Variants in CTSA observed in about 807,000 individuals in gnomAD.
CTSA encodes the protein cathepsin A.
Under a neutral mutation model 66.7 loss-of-function variants are expected in CTSA, and 42 were observed. That is an observed-to-expected ratio of 0.63 (90% CI 0.49 to 0.81). The LOEUF (loss-of-function observed/expected upper bound fraction) is 0.81. Ranked by LOEUF, CTSA falls within the 40% of genes least tolerant of loss-of-function variation. CTSA has a pLI of 0.00. For synonymous variants in CTSA, 225 were observed against 248.6 expected (o/e 0.91, Z 0.89); for missense variants, 525 against 610.9 (o/e 0.86, Z 1.48).
In CTSA at chr20:45,892,722, C is replaced by T. The variant is rs1197677218; in HGVS notation, c.445-3C>T. On this transcript the variant is annotated splice_region_variant and splice_polypyrimidine_tract_variant and intron_variant, in intron 5 of 14. Transcript: ENST00000646241. ...TCCCTCTGTCTTGCTCTGCCATCCC[C>T]AGGTCGCCCAGAGCAATTTTGAGGC... is the stretch of plus-strand genomic sequence containing the variant. The T allele has an allele frequency of 1.9e-6, 3 of 1,614,112 alleles. No individual in the cohort carries two copies. Among genetic ancestry groups the T allele is most frequent in the Non-Finnish European group, 2.5e-6 (3 of 1,180,054 alleles).
chr20:45,893,946 C>T (rs1157924918), intron 7 of CTSA, 42 bp from the exon 8 acceptor site: 1 of 1,303,524 alleles, frequency 7.7e-7, no homozygotes, highest in Non-Finnish European at 1.1e-6. Context: ...CCTTCCTCTT[C>T]CCACCAGCAG....
At chr20:45,897,859 G>A in intron 13 of CTSA, 53 bp downstream of exon 13, 2 of 1,517,574 alleles carry the variant, frequency 1.3e-6, no homozygotes, top group Non-Finnish European at 1.8e-6. Context: ...AGGATTGGGA[G>A]CGGGTATGCC....
intron 3 of CTSA, 101 bp downstream of exon 3, chr20:45,892,128 G>C: frequency 6.9e-7 from 1 of 1,446,828 alleles, no homozygotes. Context: ...TTCCTTCTAA[G>C]CCTCGGGATT....
chr20:45,894,919 C>A lies in CTSA; in HGVS notation c.948+18C>A. The stretch of plus-strand genomic sequence containing the variant: ...GGCATCAGGTGTGCGAGGGCGTGGG[C>A]TTCCTCCTGGTGAGGTGGGGGCAGG... On this transcript the variant is annotated intron_variant, in intron 10 of 14. Coordinates refer to ENST00000646241, the MANE Select transcript of CTSA (RefSeq NM_000308.4). The A allele has an allele frequency of 6.2e-7, 1 of 1,614,130 alleles. No homozygotes were observed. The highest frequency in any genetic ancestry group is 1.3e-5 in the African/African-American group (1 of 75,042).
At chr20:45,892,610 GC>G in intron 5 of CTSA, 114 bp from the exon 6 acceptor site, 1 of 1,504,612 alleles carries the variant, frequency 6.6e-7, no homozygotes, top group African/African-American at 1.4e-5. Flanking sequence ...TGGTATGGTG[GC>G]CAGTCACTTC....
chr20:45,898,531 G>A lies in CTSA; in HGVS notation c.*81G>A. On this transcript the variant is annotated 3_prime_UTR_variant, in exon 15 of 15. Transcript: ENST00000646241. The surrounding 1 kb of genome is among the most constrained non-coding windows in gnomAD (Gnocchi z 4.6). ...AGGAGAGTCCTCTTCTAAGCAAAGT[G>A]CCCCTGCAGGCCGGGTTCTGCCGCC... is the stretch of plus-strand genomic sequence containing the variant. 2.2e-6 allele frequency: 3 copies of A among 1,366,274 alleles called. No individual in the cohort carries two copies. In the South Asian group the frequency reaches 3.6e-5, roughly 16 times the overall value. The allele number at this position is 1,366,274 out of a possible 1,614,324, so 84.6% of individuals were successfully genotyped here.
chr20:45,895,699 G>A (rs2083097485), intron 11 of CTSA, among the ~76,000 whole-genome samples: 1 of 152,142 alleles, frequency 6.6e-6, no homozygotes, highest in African/African-American at 2.4e-5. Context: ...TCCCACCTTA[G>A]TCTACTGAGT....
intron 10 of CTSA, 41 bp downstream of exon 10, chr20:45,894,942 A>G: frequency 6.2e-7 from 1 of 1,611,262 alleles, no homozygotes; most frequent in East Asian, 2.2e-5. Context: ...AGGTGGGGGC[A>G]GGGGGAGGGG....
intron 3 of CTSA, 44 bp downstream of exon 3, chr20:45,892,071 G>T (rs1189624905): frequency 1.5e-5 from 24 of 1,566,018 alleles, no homozygotes; most frequent in Admixed American, 3.3e-5. Context: ...AAAGTAAAAG[G>T]CTGGGGAAAG....
At chr20:45,894,793 C>G in intron 9 of CTSA, 30 bp from the exon 10 acceptor site, 1 of 1,578,838 alleles carries the variant, frequency 6.3e-7, no homozygotes, top group Non-Finnish European at 8.6e-7. Flanking sequence ...TCTGGAGGCT[C>G]CACACCCATT....
intron 11 of CTSA, chr20:45,896,248 C>CCA (rs977561608): frequency 1.3e-5 from 2 of 150,976 alleles, no homozygotes; most frequent in African/African-American, 2.5e-5. Flanking sequence ...GTGGCCACCC[C>CCA]CCCCCACAAC....
chr20:45,894,162 C>A, intron 8 of CTSA, 90 bp downstream of exon 8: 3 of 936,126 alleles, frequency 3.2e-6, no homozygotes, highest in South Asian at 1.3e-5. Flanking sequence ...CCTTGTTCTC[C>A]GTCCCTCATT....
Position 45,891,777 on chromosome 20 carries a change from C to G in CTSA, c.194+15C>G, listed in dbSNP as rs764282392. ...CTCCACTACTGGTCTGCCGCCCTGC[C>G]TTCTGGGCGGGATTGGGAGAAGAGA... On this transcript the variant is annotated intron_variant, in intron 2 of 14. Coordinates refer to ENST00000646241, the MANE Select transcript of CTSA (RefSeq NM_000308.4). This position sits in a 1 kb window ranked among gnomAD's most constrained non-coding sequence, Gnocchi z 4.6. The G allele has an allele frequency of 1.2e-6, 2 of 1,613,742 alleles. No homozygotes were observed. The highest frequency in any genetic ancestry group is 1.7e-6 in the Non-Finnish European group (2 of 1,179,856).
chr20:45,895,074 C>T lies in CTSA; in HGVS notation c.1029C>T (p.Asn343=). 1 of 1,614,164 alleles carries T rather than the reference C, an allele frequency of 6.2e-7. No homozygotes were observed. The highest frequency in any genetic ancestry group is 8.5e-7 in the Non-Finnish European group (1 of 1,180,028). The part of the protein sequence containing the change: ...NTTAASTYLN[N]PYVRKALNIP... ...CAGCTGCTTCCACCTACCTCAACAA[C>T]CCGTACGTGCGGAAGGCCCTCAACA... The change falls in exon 11 of 15, where the codon AAC becomes AAT. Residue 343 remains asparagine (N), a synonymous_variant. Transcript: ENST00000646241.
intron 7 of CTSA, 139 bp from the exon 8 acceptor site, chr20:45,893,849 C>T (rs1987097796): frequency 8.2e-6 from 6 of 732,166 alleles, no homozygotes; most frequent in South Asian, 7.0e-5. Context: ...GCTTAGATGA[C>T]ATACAGACCA....
Position 45,892,042 on chromosome 20 carries a change from G to C in CTSA, c.306+15G>C. 1 of 1,604,556 alleles carries C rather than the reference G, an allele frequency of 6.2e-7. No individual in the cohort carries two copies. The highest frequency in any genetic ancestry group is 8.5e-7 in the Non-Finnish European group (1 of 1,171,410). On this transcript the variant is annotated intron_variant, in intron 3 of 14. Transcript: ENST00000646241. ...GCCCCTTCCTGGTGAGTGGACAGCA[G>C]GGGGAAAGCACAGTTCCCAAAGTAA...
chr20:45,898,769 C>T lies in CTSA; in HGVS notation c.*319C>T, dbSNP rs144703667. On this transcript the variant is annotated 3_prime_UTR_variant, in exon 15 of 15. Coordinates refer to ENST00000646241, the MANE Select transcript of CTSA (RefSeq NM_000308.4). This position sits in a 1 kb window ranked among gnomAD's most constrained non-coding sequence, Gnocchi z 4.6. ...GGACAGCCCACAGGGAGGTGGTGGA[C>T]GGACTGTAATTGATAGATTGATTAT... 5.2e-4 allele frequency: 410 copies of T among 795,282 alleles called. No individual in the cohort carries two copies. The highest frequency in any genetic ancestry group is 7.5e-4 in the Non-Finnish European group (378 of 505,990). 49.3% of individuals were successfully genotyped at this position (795,282 alleles called of 1,614,324 possible). A position where few individuals can be genotyped will look rare whatever the true frequency, so the allele number is the denominator to read the frequency against.
At chr20:45,892,234 G>C (rs768453809) in intron 3 of CTSA, 39 bp from the exon 4 acceptor site, 2 of 1,609,626 alleles carry the variant, frequency 1.2e-6, no homozygotes, top group South Asian at 2.2e-5. Flanking sequence ...CCACCCAGCT[G>C]GCCCTTGGGA....
rs755950061 is a variant in CTSA, at chr20:45,892,454, T to C, written c.414T>C (p.Asp138=). ...SPAGVGFSYS[D]DKFYATNDTE... The stretch of plus-strand genomic sequence containing the variant: ...CTGGGGTGGGCTTCTCCTACTCCGA[T>C]GACAAGTTTTATGCAACTAATGACA... The change falls in exon 5 of 15, where the codon GAT becomes GAC. Residue 138 remains aspartate, a synonymous_variant. Transcript: ENST00000646241. 3 of 1,614,078 alleles carry C rather than the reference T, an allele frequency of 1.9e-6. No homozygotes were observed. The Admixed American group carries it at 5.0e-5, about 27-fold the overall frequency.
Sources: allele counts gnomAD v4.1 joint callset (sites outside exome capture counted in the v4.1 genomes callset), GRCh38; gene constraint gnomAD v4.1.1; non-coding constraint Gnocchi (gnomAD v3.1); transcripts MANE v1.5; gene names NCBI Gene and HGNC (gene_info 2026-07-23, HGNC 2026-07-21).